The following CTIF variants were observed in gnomAD, a reference collection of about 807,000 sequenced individuals.
CTIF encodes the protein CBP80/20-dependent translation initiation factor.
CTIF carries 21 observed loss-of-function variants against 66.0 expected under a neutral mutation model. The observed-to-expected ratio is 0.32, with a 90% CI of 0.23 to 0.46. The LOEUF is 0.46. Among genes scored for constraint, CTIF ranks in the 20% least tolerant of loss-of-function variants. The pLI is 1.00. For missense variants in CTIF, 739 were observed against 812.7 expected, an observed-to-expected ratio of 0.91 and a Z score of 1.10; for synonymous variants, 345 against 326.4, an observed-to-expected ratio of 1.06 and a Z score of -0.62.
At chr18:48,767,988 A>T (rs190747671) in intron 9 of CTIF, among the ~76,000 whole-genome samples, 141 of 152,224 alleles carry the variant, frequency 9.3e-4, no homozygotes, top group African/African-American at 3.2e-3. Flanking sequence ...TATCTTACCC[A>T]TACCTCATCC....
At chr18:48,603,236 TGATG>T (rs1424079954) in intron 1 of CTIF, among the ~76,000 whole-genome samples, 1 of 113,384 alleles carries the variant, frequency 8.8e-6, no homozygotes, top group African/African-American at 3.4e-5. Flanking sequence ...GTGGGTAGAT[TGATG>T]GATGGATGAA....
intron 7 of CTIF, among the ~76,000 whole-genome samples, chr18:48,730,191 G>A (rs556146489): frequency 7.3e-5 from 11 of 151,588 alleles, no homozygotes; most frequent in South Asian, 2.1e-4. Flanking sequence ...AGGGGCCCCC[G>A]AGGTGTGAGG....
intron 1 of CTIF, among the ~76,000 whole-genome samples, chr18:48,550,032 C>T (rs141124320): frequency 1.8e-3 from 267 of 152,188 alleles, no homozygotes; most frequent in African/African-American, 6.1e-3. Flanking sequence ...AACCACCAAC[C>T]TGGTTTATAT....
chr18:48,829,786 T>C (rs1429283942), intron 10 of CTIF, among the ~76,000 whole-genome samples: 2 of 152,252 alleles, frequency 1.3e-5, no homozygotes, highest in Admixed American at 6.5e-5. Context: ...AGGACCCCTG[T>C]GGATCTTTCT....
At chr18:48,774,257 G>A (rs1212174956) in intron 9 of CTIF, among the ~76,000 whole-genome samples, 4 of 152,196 alleles carry the variant, frequency 2.6e-5, no homozygotes, top group Non-Finnish European at 4.4e-5. Flanking sequence ...TCCAGGAGAG[G>A]CGGATACACT....
chr18:48,859,544 G>T lies in CTIF; in HGVS notation c.1782G>T (p.Gln594His), dbSNP rs2069411547. The change falls in exon 12 of 12, where the codon CAG becomes CAT. Residue 594 changes from glutamine (Q) to histidine (H), a missense_variant. Gln to His is a conservative substitution (Grantham distance 24). Transcript: ENST00000256413. ...CGCAGTACTACAACAGAACCATCCA[G>T]AAACTGACAGCCTGACAGCCAGGGG... is the stretch of plus-strand genomic sequence containing the variant. ...PITQYYNRTI[Q>H]KLTA The T allele has an allele frequency of 6.2e-7, 1 of 1,613,880 alleles. No homozygotes were observed. Among genetic ancestry groups the T allele is most frequent in the Non-Finnish European group, 8.5e-7 (1 of 1,180,034 alleles).
chr18:48,597,431 C>A (rs559380676), intron 1 of CTIF, among the ~76,000 whole-genome samples: 2 of 152,244 alleles, frequency 1.3e-5, no homozygotes, highest in Admixed American at 6.5e-5. Context: ...GGAGGTGGGG[C>A]CTGGTGGGAG....
intron 7 of CTIF, among the ~76,000 whole-genome samples, chr18:48,724,651 C>T (rs1205467002): frequency 6.6e-6 from 1 of 152,254 alleles, no homozygotes; most frequent in Non-Finnish European, 1.5e-5. Context: ...TCCAGCCTGA[C>T]ACAGACTGAG....
chr18:48,554,469 T>C (rs896987769), intron 1 of CTIF, among the ~76,000 whole-genome samples: 1 of 152,242 alleles, frequency 6.6e-6, no homozygotes, highest in Admixed American at 6.5e-5. Context: ...GGAGGCACCC[T>C]CTTCACTGTG....
chr18:48,608,474 C>T (rs1364795485), intron 1 of CTIF, among the ~76,000 whole-genome samples: 2 of 150,112 alleles, frequency 1.3e-5, no homozygotes, highest in African/African-American at 2.4e-5. Context: ...AGGCGGTCAT[C>T]GAAAGTGGTG....
intron 7 of CTIF, among the ~76,000 whole-genome samples, chr18:48,713,331 C>A (rs1045294902): frequency 6.6e-6 from 1 of 152,132 alleles, no homozygotes; most frequent in Non-Finnish European, 1.5e-5. Flanking sequence ...CTCTGCCCCA[C>A]CTCTCTGCGC....
Position 48,640,253 on chromosome 18 carries a change from A to T in CTIF, c.252+3568A>T, listed in dbSNP as rs1445870953. Among the ~76,000 whole-genome samples, 3 of 152,100 alleles carry T rather than the reference A, an allele frequency of 2.0e-5. 1 individual carries two copies. Among genetic ancestry groups the T allele is most frequent in the Admixed American group, 2.0e-4 (3 of 15,274 alleles). Reference sequence around the variant, plus strand: ...CACGCGCCCAGGCAGACACCCTCACACTGACTCATGCTGTTGCCAAGCTGT... The same window carrying T: ...CACGCGCCCAGGCAGACACCCTCACTCTGACTCATGCTGTTGCCAAGCTGT... On this transcript the variant is annotated intron_variant, in intron 3 of 11. Coordinates refer to ENST00000256413, the MANE Select transcript of CTIF (RefSeq NM_014772.3).
intron 6 of CTIF, among the ~76,000 whole-genome samples, chr18:48,676,039 G>A (rs1041079540): frequency 1.3e-5 from 2 of 152,048 alleles, no homozygotes; most frequent in South Asian, 2.1e-4. Context: ...CCTCCCCCAG[G>A]ACCCCTTTAC....
At chr18:48,692,222 G>A (rs969503909) in intron 6 of CTIF, among the ~76,000 whole-genome samples, 2 of 152,010 alleles carry the variant, frequency 1.3e-5, no homozygotes, top group Non-Finnish European at 2.9e-5. Flanking sequence ...CAACTCAACT[G>A]GGAATCCACT....
At chr18:48,630,001 C>T (rs1225363846) in intron 2 of CTIF, among the ~76,000 whole-genome samples, 1 of 152,136 alleles carries the variant, frequency 6.6e-6, no homozygotes, top group Non-Finnish European at 1.5e-5. Flanking sequence ...TAGTTACCCA[C>T]GGTCAACTAC....
At chr18:48,679,651 C>A (rs557900094) in intron 6 of CTIF, among the ~76,000 whole-genome samples, 42 of 152,330 alleles carry the variant, frequency 2.8e-4, no homozygotes, top group African/African-American at 9.9e-4. Flanking sequence ...CTTTCTTGCT[C>A]AAATCTTCCC....
chr18:48,801,716 C>T (rs984629502), intron 9 of CTIF, among the ~76,000 whole-genome samples: 20 of 152,326 alleles, frequency 1.3e-4, no homozygotes, highest in South Asian at 6.2e-4. Context: ...TTGGGCCACT[C>T]ATTGAAAGTA....
At chr18:48,608,548 G>A (rs959458170) in intron 1 of CTIF, among the ~76,000 whole-genome samples, 1 of 152,178 alleles carries the variant, frequency 6.6e-6, no homozygotes, top group African/African-American at 2.4e-5. Context: ...ATTCTGAGGG[G>A]TCTCTGTGAC....
chr18:48,663,872 G>T, intron 4 of CTIF, 47 bp downstream of exon 4: 1 of 1,547,984 alleles, frequency 6.5e-7, no homozygotes, highest in African/African-American at 1.4e-5. Context: ...TCCAGCCGGG[G>T]AAACTGGCTT....
Sources: allele counts gnomAD v4.1 joint callset (sites outside exome capture counted in the v4.1 genomes callset), GRCh38; gene constraint gnomAD v4.1.1; transcripts MANE v1.5; gene names NCBI Gene and HGNC (gene_info 2026-07-23, HGNC 2026-07-21).